The following PDE12 variants were observed in gnomAD, a reference collection of about 807,000 sequenced individuals.
PDE12 encodes phosphodiesterase 12.
A neutral mutation model predicts 45.4 loss-of-function variants in PDE12; 26 were observed. That is an observed-to-expected ratio of 0.57 (90% CI 0.42 to 0.79). PDE12 has a LOEUF of 0.79. Ranked by LOEUF, PDE12 falls within the 30% of genes least tolerant of loss-of-function variation. The pLI, the probability that PDE12 is intolerant of heterozygous loss-of-function variation, is 0.00. For synonymous variants in PDE12, 283 were observed against 323.9 expected, an observed-to-expected ratio of 0.87 and a Z score of 1.36; for missense variants, 668 against 790.0, an observed-to-expected ratio of 0.85 and a Z score of 1.85.
chr3:57,589,441 C>T, the PDE12 span, among the ~76,000 whole-genome samples: 1 of 151,938 alleles, frequency 6.6e-6, no homozygotes, highest in South Asian at 2.1e-4. Context: ...CAAACAAGGC[C>T]GGGCCCCGTG....
At chr3:57,628,020 C>G in the PDE12 span, 1 of 646,148 alleles carries the variant, frequency 1.5e-6, no homozygotes, top group Non-Finnish European at 2.4e-6. Context: ...AGTGGAACCA[C>G]CACAGATATC....
the PDE12 span, among the ~76,000 whole-genome samples, chr3:57,590,684 A>G: frequency 0.16 from 24,648 of 152,020 alleles, 2,632 homozygotes; most frequent in East Asian, 0.48. Context: ...ACATATATAT[A>G]CATTTGTTTT....
the PDE12 span, among the ~76,000 whole-genome samples, chr3:57,588,641 G>A: frequency 6.8e-6 from 1 of 147,204 alleles, no homozygotes; most frequent in African/African-American, 2.5e-5. Context: ...ATCACCTGAA[G>A]TCAGGAGTCA....
At chr3:57,636,270 G>C in the PDE12 span, among the ~76,000 whole-genome samples, 2 of 152,184 alleles carry the variant, frequency 1.3e-5, no homozygotes, top group African/African-American at 4.8e-5. Flanking sequence ...ATAAAGGAAA[G>C]AGTGAAAGAG....
chr3:57,623,838 A>AGTCC, the PDE12 span, among the ~76,000 whole-genome samples: 1 of 152,172 alleles, frequency 6.6e-6, no homozygotes, highest in African/African-American at 2.4e-5. Context: ...GGATCCATGA[A>AGTCC]GTCCGGCTTT....
At chr3:57,595,017 C>T in the PDE12 span, among the ~76,000 whole-genome samples, 1 of 152,136 alleles carries the variant, frequency 6.6e-6, no homozygotes, top group African/African-American at 2.4e-5. Flanking sequence ...AAGTGCAAAA[C>T]GATAGCATGC....
the PDE12 span, chr3:57,634,861 T>A: frequency 3.9e-6 from 4 of 1,019,054 alleles, no homozygotes; most frequent in Non-Finnish European, 5.5e-6. Flanking sequence ...TGTTTATTAC[T>A]TAAGTATGTT....
the PDE12 span, among the ~76,000 whole-genome samples, chr3:57,589,537 G>A: frequency 4.6e-5 from 7 of 151,900 alleles, no homozygotes; most frequent in Non-Finnish European, 8.8e-5. Context: ...GGCCAACGTG[G>A]TGAAACCCAG....
Position 57,560,967 on chromosome 3 carries a change from C to A in PDE12, c.*963C>A. ...TTCTCATCTTTCATTTTTCAATGAA[C>A]AAGTAAGGTATTTTCATTCTTATTT... On this transcript the variant is annotated 3_prime_UTR_variant, in exon 3 of 3. Transcript: ENST00000311180. 1.0e-6 allele frequency: 1 copy of A among 974,974 alleles called. No homozygotes were observed. Among genetic ancestry groups the A allele is most frequent in the Non-Finnish European group, 1.2e-6 (1 of 820,060 alleles). The allele number at this position is 974,974 out of a possible 1,614,324, so 60.4% of individuals were successfully genotyped here. A position where few individuals can be genotyped will look rare whatever the true frequency, so the allele number is the denominator to read the frequency against.
At chr3:57,617,809 G>C in the PDE12 span, among the ~76,000 whole-genome samples, 1 of 151,864 alleles carries the variant, frequency 6.6e-6, no homozygotes, top group Non-Finnish European at 1.5e-5. Flanking sequence ...CAAGGCTGCA[G>C]TGAGCTGAGA....
chr3:57,593,927 G>GA, the PDE12 span, among the ~76,000 whole-genome samples: 8,382 of 151,580 alleles, frequency 0.055, 325 homozygotes, highest in Non-Finnish European at 0.084. Context: ...TACTCAAAAG[G>GA]AAAAAAAACA....
the PDE12 span, among the ~76,000 whole-genome samples, chr3:57,604,531 T>C: frequency 1.3e-5 from 2 of 150,764 alleles, no homozygotes; most frequent in African/African-American, 4.9e-5. Flanking sequence ...GGAGGCTCAT[T>C]GGAGCCTAGG....
At chr3:57,600,050 T>C in the PDE12 span, 5 of 151,948 alleles carry the variant, frequency 3.3e-5, no homozygotes, top group African/African-American at 1.2e-4. Context: ...ATTTATTTAT[T>C]TGAGACAGGG....
chr3:57,651,439 TTAAATG>T, the PDE12 span, among the ~76,000 whole-genome samples: 1 of 152,092 alleles, frequency 6.6e-6, no homozygotes, highest in Non-Finnish European at 1.5e-5. Flanking sequence ...ATGATTCTAG[TTAAATG>T]TAATGTCCAA....
the PDE12 span, among the ~76,000 whole-genome samples, chr3:57,632,060 G>C: frequency 8.4e-6 from 1 of 119,280 alleles, no homozygotes. Context: ...TCACTCTTTC[G>C]CCCAGGCTGA....
chr3:57,589,158 T>C, the PDE12 span, among the ~76,000 whole-genome samples: 1 of 151,468 alleles, frequency 6.6e-6, no homozygotes, highest in African/African-American at 2.4e-5. Context: ...TCCCAGCTAC[T>C]GGGTGAGGCT....
At chr3:57,557,746 G>C in intron 1 of PDE12, 59 bp downstream of exon 1, 1 of 1,464,202 alleles carries the variant, frequency 6.8e-7, no homozygotes, top group Non-Finnish European at 9.4e-7. Flanking sequence ...CCAGGAAGGC[G>C]AGGAATGAGG....
the PDE12 span, among the ~76,000 whole-genome samples, chr3:57,573,492 T>C: frequency 6.6e-6 from 1 of 152,180 alleles, no homozygotes; most frequent in East Asian, 1.9e-4. Context: ...CTCAGTAACC[T>C]AGGAGGCTGG....
Position 57,556,346 on chromosome 3 carries a change from C to G in PDE12, c.-34C>G. 2 of 1,523,134 alleles carry G rather than the reference C, an allele frequency of 1.3e-6. No individual in the cohort carries two copies. Among genetic ancestry groups the G allele is most frequent in the Non-Finnish European group, 1.8e-6 (2 of 1,133,682 alleles). The allele number at this position is 1,523,134 out of a possible 1,614,324, so 94.4% of individuals were successfully genotyped here. A position where few individuals can be genotyped will look rare whatever the true frequency, so the allele number is the denominator to read the frequency against. ...ACCTGACAGTAGGCCGCTGATCGGC[C>G]GCGGGTCTTGTCGACCGCTAGGCCA... On this transcript the variant is annotated 5_prime_UTR_variant, in exon 1 of 3. Transcript: ENST00000311180. This position sits in a 1 kb window ranked among gnomAD's most constrained non-coding sequence, Gnocchi z 5.0.
Sources: gnomAD v4.1 joint callset for allele counts (sites outside exome capture counted in the v4.1 genomes callset) on GRCh38, gnomAD v4.1.1 for gene constraint, Gnocchi (gnomAD v3.1) non-coding constraint, MANE v1.5 for transcripts, NCBI Gene and HGNC (gene_info 2026-07-23, HGNC 2026-07-21) for gene names.